The following GAA variants were observed in gnomAD, a reference collection of about 807,000 sequenced individuals.
GAA encodes the protein alpha glucosidase, also known as lysosomal alpha-glucosidase.
GAA carries 88 observed loss-of-function variants against 103.9 expected under a neutral mutation model. The ratio of observed to expected loss-of-function variants is 0.85; its 90% CI spans 0.71 to 1.01. The LOEUF (loss-of-function observed/expected upper bound fraction) is 1.01. Among genes scored for constraint, GAA ranks in the 50% least tolerant of loss-of-function variants. The pLI is 0.00. For synonymous variants in GAA, 572 were observed against 563.1 expected, an observed-to-expected ratio of 1.02 and a Z score of -0.22; for missense variants, 1,350 against 1,305.3, an observed-to-expected ratio of 1.03 and a Z score of -0.53.
At chr17:80,113,699 ATAAAT>A (rs1939416129) in intron 15 of GAA, among the ~76,000 whole-genome samples, 1 of 152,176 alleles carries the variant, frequency 6.6e-6, no homozygotes, top group African/African-American at 2.4e-5. Flanking sequence ...TAAGTTCCAG[ATAAAT>A]TAAATAGTTA....
At position 80,107,873 on chromosome 17, in the gene GAA, TC is replaced by T. The variant is rs886042358; in HGVS notation, c.934del (p.Leu312CysfsTer2). 6.2e-7 allele frequency: 1 copy of T among 1,611,152 alleles called. No homozygotes were observed. The highest frequency in any genetic ancestry group is 1.3e-5 in the African/African-American group (1 of 74,874). ...GACGGCGGGTCGGCACACGGGGTGTTCCTGCTAAACAGCAATGCCATGGGTA... is the reference window on the plus strand; with the variant it reads ...GACGGCGGGTCGGCACACGGGGTGTTCTGCTAAACAGCAATGCCATGGGTA... Reference protein sequence around the residue: ...LEDGGSAHGVFLLNSNAMDVV... With the variant: ...LEDGGSAHGVXLLNSNAMDVV... On this transcript the variant is annotated frameshift_variant, in exon 5 of 20. Transcript: ENST00000302262. LOFTEE classifies it high-confidence loss of function.
chr17:80,116,923 A>AT (rs769334586), intron 15 of GAA, 45 bp from the exon 16 acceptor site: 1 of 1,611,856 alleles, frequency 6.2e-7, no homozygotes, highest in Admixed American at 1.7e-5. Flanking sequence ...AGCCAGCCCC[A>AT]TCCCATTCAT....
At position 80,118,249 on chromosome 17, in the gene GAA, C is replaced by T. The variant is rs199777726; in HGVS notation, c.2538C>T (p.Ala846=). ...AGCAGCCCATGGCCCTGGCTGTGGC[C>T]CTGACCAAGGGTGGGGAGGCCCGAG... ...SRQQPMALAV[A]LTKGGEARGE... is the part of the protein sequence containing the mutation. The change falls in exon 18 of 20, where the codon GCC becomes GCT. Residue 846 remains alanine (A), a synonymous_variant. Transcript: ENST00000302262. The T allele has an allele frequency of 6.2e-7, 1 of 1,612,416 alleles. No homozygotes were observed.
chr17:80,104,629 G>T lies in GAA; in HGVS notation c.43G>T (p.Val15Phe). 2 of 1,612,954 alleles carry T rather than the reference G, an allele frequency of 1.2e-6. No homozygotes were observed. Among genetic ancestry groups the T allele is most frequent in the Non-Finnish European group, 8.5e-7 (1 of 1,179,960 alleles). ...HPPCSHRLLA[V>F]CALVSLATAA... ...GCCCTGCTCCCACCGGCTCCTGGCC[G>T]TCTGCGCCCTCGTGTCCTTGGCAAC... The change falls in exon 2 of 20, where the codon GTC becomes TTC. Residue 15 changes from valine (V) to phenylalanine (F), a missense_variant. Transcript: ENST00000302262. The surrounding 1 kb of genome is among the most constrained non-coding windows in gnomAD (Gnocchi z 4.0).
At chr17:80,110,183 G>T (rs2039198772) in intron 9 of GAA, 128 bp downstream of exon 9, 1 of 708,242 alleles carries the variant, frequency 1.4e-6, no homozygotes. Flanking sequence ...TGAGAGGAAT[G>T]GGCCACAGTG....
intron 10 of GAA, 31 bp from the exon 11 acceptor site, chr17:80,110,908 CAG>C (rs1567833157): frequency 1.9e-6 from 3 of 1,613,576 alleles, no homozygotes; most frequent in Admixed American, 1.7e-5. Context: ...TCACTCTGGG[CAG>C]AGTCACCTAC....
intron 19 of GAA, 72 bp from the exon 20 acceptor site, chr17:80,119,200 C>G: frequency 6.9e-7 from 1 of 1,449,004 alleles, no homozygotes; most frequent in Non-Finnish European, 9.7e-7. Flanking sequence ...CAGATGGAGC[C>G]GCCTTCTGAG....
At position 80,108,206 on chromosome 17, in the gene GAA, C is replaced by T. The variant is rs2241887; in HGVS notation, c.956-84C>T. 1,135,708 of 1,607,664 alleles carry T rather than the reference C, an allele frequency of 0.71. 405,065 individuals are homozygous for T. The highest frequency in any genetic ancestry group is 0.8 in the Middle Eastern group (4,837 of 6,060). On this transcript the variant is annotated intron_variant, in intron 5 of 19. Coordinates refer to ENST00000302262, the MANE Select transcript of GAA (RefSeq NM_000152.5). The stretch of plus-strand genomic sequence containing the variant: ...TCGTGGGGAGAGAGCCTCAACTCTC[C>T]GCCTGTGATTGGCCCATCTGTGGGG...
intron 12 of GAA, chr17:80,112,377 G>T (rs1377637870): frequency 2.3e-5 from 16 of 684,632 alleles, no homozygotes; most frequent in Non-Finnish European, 4.0e-5. Context: ...GGCTGGGGGG[G>T]GTCCTGGCTC....
chr17:80,103,650 G>T (rs1046407626), intron 1 of GAA, among the ~76,000 whole-genome samples: 2 of 152,130 alleles, frequency 1.3e-5, no homozygotes, highest in Non-Finnish European at 1.5e-5. Context: ...TCATCTGCAC[G>T]CGACATCCTT....
intron 4 of GAA, 24 bp from the exon 5 acceptor site, chr17:80,107,776 A>T (rs2039128726): frequency 6.2e-7 from 1 of 1,609,858 alleles, no homozygotes; most frequent in Non-Finnish European, 8.5e-7. Context: ...CAGGTGCTGA[A>T]GCGCCGTCTC....
rs1338245575 is a variant in GAA, at chr17:80,110,833, T to C, written c.1544T>C (p.Met515Thr). Residue 515 changes from methionine (M) to threonine (T), a missense_variant, in exon 10 of 20, where the codon ATG becomes ACG. Met to Thr is a moderately conservative substitution (Grantham distance 81). Transcript: ENST00000302262. ...EFHDQVPFDG[M>T]WIDMNEPSNF... ...CATGACCAGGTGCCCTTCGACGGCA[T>C]GTGGATTGTAAGTGTGGCCCCCTCC... 5.0e-6 allele frequency: 8 copies of C among 1,614,010 alleles called. No individual in the cohort carries two copies. Among genetic ancestry groups the C allele is most frequent in the South Asian group, 3.3e-5 (3 of 91,086 alleles).
In GAA at chr17:80,110,051, G is replaced by C; in HGVS notation, c.1433G>C (p.Gly478Ala). 2 of 1,612,930 alleles carry C rather than the reference G, an allele frequency of 1.2e-6. No individual in the cohort carries two copies. ...ITNETGQPLI[G>A]KVWPGSTAFP... ...AACGAGACCGGCCAGCCGCTGATTG[G>C]GAAGGTAGGGCGAGGGTCCAGGGGA... Residue 478 changes from glycine (G) to alanine (A), a missense_variant, in exon 9 of 20, where the codon GGG becomes GCG. By Grantham distance (60) the Gly-to-Ala change is moderately conservative. Transcript: ENST00000302262.
chr17:80,105,678 T>C (rs1427790957), intron 2 of GAA, 71 bp from the exon 3 acceptor site: 12 of 1,576,208 alleles, frequency 7.6e-6, no homozygotes, highest in African/African-American at 1.3e-5. Flanking sequence ...TGACCTGTCC[T>C]TGGCGTGCGG....
chr17:80,119,028 G>C (rs558736597), intron 19 of GAA, among the ~76,000 whole-genome samples: 3 of 152,220 alleles, frequency 2.0e-5, no homozygotes, highest in Admixed American at 2.0e-4. Context: ...CCTCTGAGCC[G>C]TGTTGAAGCA....
rs1033973716 is a variant in GAA, at chr17:80,101,606, C to G, written c.-317C>G. ...CGACCCCGGAGTCTCCGCGGGCGGC[C>G]AGGGCGCGCGTGCGCGGAGGTGAGC... On this transcript the variant is annotated 5_prime_UTR_variant, in exon 1 of 20. Coordinates refer to ENST00000302262, the MANE Select transcript of GAA (RefSeq NM_000152.5). 6.6e-6 allele frequency: 1 copy of G among 150,860 alleles called. No homozygotes were observed. The highest frequency in any genetic ancestry group is 1.5e-5 in the Non-Finnish European group (1 of 67,586). 9.3% of individuals were successfully genotyped at this position (150,860 alleles called of 1,614,324 possible). A position where few individuals can be genotyped will look rare whatever the true frequency, so the allele number is the denominator to read the frequency against.
chr17:80,111,911 T>TG (rs1249279565), intron 11 of GAA, 72 bp from the exon 12 acceptor site: 8 of 1,297,770 alleles, frequency 6.2e-6, no homozygotes, highest in Non-Finnish European at 6.6e-6. Context: ...TCCTGGGAGG[T>TG]GGGGGGCAGG....
chr17:80,111,927 C>T, intron 11 of GAA, 56 bp from the exon 12 acceptor site: 2 of 1,465,124 alleles, frequency 1.4e-6, no homozygotes, highest in Non-Finnish European at 9.5e-7. Context: ...GCAGGGAGGG[C>T]ACCTTGGAGC....
chr17:80,103,498 G>A (rs780687575), intron 1 of GAA, among the ~76,000 whole-genome samples: 1 of 152,136 alleles, frequency 6.6e-6, no homozygotes, highest in African/African-American at 2.4e-5. Flanking sequence ...ATATTGAATC[G>A]CATGTGGGTT....
Sources: gnomAD v4.1 joint callset for allele counts (sites outside exome capture counted in the v4.1 genomes callset) on GRCh38, gnomAD v4.1.1 for gene constraint, Gnocchi (gnomAD v3.1) non-coding constraint, MANE v1.5 for transcripts, NCBI Gene and HGNC (gene_info 2026-07-23, HGNC 2026-07-21) for gene names.